DGKB: variants seen among roughly 807,000 people sequenced by gnomAD.
The protein encoded by DGKB is diacylglycerol kinase beta.
Under a neutral mutation model 114.3 loss-of-function variants are expected in DGKB, and 67 were observed. The observed-to-expected ratio is 0.59, with a 90% CI of 0.48 to 0.72. The LOEUF is 0.72. Among genes scored for constraint, DGKB ranks in the 30% least tolerant of loss-of-function variants. The pLI, the probability that DGKB is intolerant of heterozygous loss-of-function variation, is 0.00. For missense variants in DGKB, 907 were observed against 975.2 expected, an observed-to-expected ratio of 0.93 and a Z score of 0.93; for synonymous variants, 398 against 323.1, an observed-to-expected ratio of 1.23 and a Z score of -2.49.
At chr7:14,660,901 A>C (rs1816924505) in intron 13 of DGKB, among the ~76,000 whole-genome samples, 1 of 151,862 alleles carries the variant, frequency 6.6e-6, no homozygotes, top group Admixed American at 6.6e-5. Context: ...ATAATGCCAC[A>C]TATCTACAAC....
chr7:14,892,884 G>A (rs1228476509), intron 1 of DGKB, among the ~76,000 whole-genome samples: 4 of 149,168 alleles, frequency 2.7e-5, no homozygotes, highest in African/African-American at 1.0e-4. Flanking sequence ...GTGTGTGTGT[G>A]TGTATACACA....
intron 1 of DGKB, among the ~76,000 whole-genome samples, chr7:14,844,829 G>A (rs1201067255): frequency 1.3e-5 from 2 of 152,060 alleles, no homozygotes; most frequent in South Asian, 2.1e-4. Context: ...TCCCCCAGCT[G>A]GGCACGGTGG....
chr7:14,278,038 T>G (rs2128447249), intron 23 of DGKB, among the ~76,000 whole-genome samples: 1 of 152,348 alleles, frequency 6.6e-6, no homozygotes, highest in Middle Eastern at 3.4e-3. Flanking sequence ...AGAATGTTCT[T>G]TGTGAATTTG....
At chr7:14,895,959 A>T (rs1166603561) in intron 1 of DGKB, among the ~76,000 whole-genome samples, 1 of 151,770 alleles carries the variant, frequency 6.6e-6, no homozygotes, top group Non-Finnish European at 1.5e-5. Flanking sequence ...CAAGTTACTG[A>T]ATAAACTACA....
At chr7:14,754,233 CG>C (rs1834537938) in intron 3 of DGKB, among the ~76,000 whole-genome samples, 1 of 151,938 alleles carries the variant, frequency 6.6e-6, no homozygotes, top group African/African-American at 2.4e-5. Flanking sequence ...ACAAGCCCCC[CG>C]GTTGATTCTG....
intron 23 of DGKB, among the ~76,000 whole-genome samples, chr7:14,210,791 C>G (rs1018278307): frequency 6.6e-6 from 1 of 152,062 alleles, no homozygotes; most frequent in Non-Finnish European, 1.5e-5. Flanking sequence ...ATCTAAGAAT[C>G]TACATAAACC....
At chr7:14,971,762 A>ATT (rs71004349) in intron 1 of DGKB, among the ~76,000 whole-genome samples, 6,727 of 139,126 alleles carry the variant, frequency 0.048, 199 homozygotes, top group African/African-American at 0.067. Flanking sequence ...TATTGAAAGC[A>ATT]TTTTTTTTTT....
intron 23 of DGKB, among the ~76,000 whole-genome samples, chr7:14,315,101 C>G (rs1003646029): frequency 1.3e-5 from 2 of 148,192 alleles, no homozygotes; most frequent in South Asian, 4.4e-4. Context: ...TTGTCACCAC[C>G]AGGCCTGCCC....
intron 13 of DGKB, among the ~76,000 whole-genome samples, chr7:14,656,926 C>T (rs568484160): frequency 2.0e-5 from 3 of 151,708 alleles, no homozygotes; most frequent in Admixed American, 6.6e-5. Flanking sequence ...TAATTATACA[C>T]GTTCTACATA....
At chr7:14,895,758 A>T (rs217589) in intron 1 of DGKB, among the ~76,000 whole-genome samples, 146,409 of 151,628 alleles carry the variant, frequency 0.97, 70,890 homozygotes, top group East Asian at 1. Context: ...GATAGTTTTC[A>T]TATCTCTATA....
At chr7:14,302,426 G>T (rs1428124931) in intron 23 of DGKB, among the ~76,000 whole-genome samples, 2 of 152,034 alleles carry the variant, frequency 1.3e-5, no homozygotes, top group African/African-American at 4.8e-5. Context: ...ATGTTAAATT[G>T]TAAGTTAGAT....
intron 2 of DGKB, among the ~76,000 whole-genome samples, chr7:14,805,163 G>A (rs1390746294): frequency 6.6e-6 from 1 of 152,004 alleles, no homozygotes; most frequent in African/African-American, 2.4e-5. Flanking sequence ...CAAAATTTAT[G>A]TTAGTGAATT....
At chr7:14,266,479 A>C (rs1482761405) in intron 23 of DGKB, among the ~76,000 whole-genome samples, 2 of 152,196 alleles carry the variant, frequency 1.3e-5, no homozygotes, top group Admixed American at 1.3e-4. Flanking sequence ...ATATTGACTA[A>C]TTCTTAGAAG....
chr7:14,766,115 C>G (rs917351784), intron 2 of DGKB, among the ~76,000 whole-genome samples: 12 of 151,874 alleles, frequency 7.9e-5, no homozygotes, highest in Non-Finnish European at 1.6e-4. Context: ...AAATAAAAAG[C>G]CTGCAGCTAT....
intron 21 of DGKB, among the ~76,000 whole-genome samples, chr7:14,356,430 C>T (rs1251440567): frequency 1.6e-4 from 22 of 137,730 alleles, no homozygotes; most frequent in African/African-American, 3.8e-4. Context: ...GGCACGATCT[C>T]GGCTCACTGC....
At chr7:14,567,139 T>TTA (rs569769620) in intron 20 of DGKB, among the ~76,000 whole-genome samples, 335 of 108,552 alleles carry the variant, frequency 3.1e-3, no homozygotes, top group Non-Finnish European at 5.3e-3. Flanking sequence ...AATTATATGT[T>TTA]TATATATATA....
intron 20 of DGKB, among the ~76,000 whole-genome samples, chr7:14,480,495 A>C (rs1782828510): frequency 6.6e-6 from 1 of 152,102 alleles, no homozygotes; most frequent in African/African-American, 2.4e-5. Context: ...AAAGGGCTTG[A>C]TAGAGTACTG....
intron 23 of DGKB, among the ~76,000 whole-genome samples, chr7:14,292,569 T>C (rs1256548830): frequency 6.6e-6 from 1 of 152,194 alleles, no homozygotes; most frequent in African/African-American, 2.4e-5. Context: ...TTTATAGAAA[T>C]CTATACCATT....
At chr7:14,657,778 T>C (rs1816157413) in intron 13 of DGKB, among the ~76,000 whole-genome samples, 1 of 151,894 alleles carries the variant, frequency 6.6e-6, no homozygotes, top group Non-Finnish European at 1.5e-5. Context: ...AAAATTCAAA[T>C]TTCAGAATCA....
Sources: gnomAD v4.1 joint callset for allele counts (sites outside exome capture counted in the v4.1 genomes callset) on GRCh38, gnomAD v4.1.1 for gene constraint, MANE v1.5 for transcripts, NCBI Gene and HGNC (gene_info 2026-07-23, HGNC 2026-07-21) for gene names.